OCA2: variants seen among roughly 807,000 people sequenced by gnomAD.
OCA2 encodes the protein OCA2 melanosomal transmembrane protein, also known as P protein.
Under a neutral mutation model 100.2 loss-of-function variants are expected in OCA2, and 77 were observed. The ratio of observed to expected loss-of-function variants is 0.77; its 90% CI spans 0.64 to 0.93. The LOEUF (loss-of-function observed/expected upper bound fraction) is 0.93, where lower values mean the gene tolerates loss of function less well. Ranked by LOEUF, OCA2 falls within the 40% of genes least tolerant of loss-of-function variation. The probability of loss-of-function intolerance (pLI) is 0.00; values close to 1 mark genes in which losing one functional copy is unlikely to be tolerated. For synonymous variants in OCA2, 432 were observed against 439.2 expected (o/e 0.98, Z 0.21); for missense variants, 1,062 against 1,089.1 (o/e 0.98, Z 0.35).
chr15:28,086,168 A>G (rs1041326128), intron 1 of OCA2, among the ~76,000 whole-genome samples: 3 of 152,220 alleles, frequency 2.0e-5, no homozygotes, highest in African/African-American at 7.2e-5. Flanking sequence ...GCTGGACTTC[A>G]TCCCTGCCCT....
chr15:28,031,291 A>G (rs1338559711), intron 3 of OCA2, among the ~76,000 whole-genome samples: 3 of 152,202 alleles, frequency 2.0e-5, no homozygotes, highest in Non-Finnish European at 4.4e-5. Context: ...GCTTGAATAA[A>G]TAATTTTAAA....
At chr15:27,805,180 G>A (rs956300228) in intron 23 of OCA2, among the ~76,000 whole-genome samples, 4 of 152,244 alleles carry the variant, frequency 2.6e-5, no homozygotes, top group Non-Finnish European at 4.4e-5. Flanking sequence ...AGCGCCCAGC[G>A]CAGGAGCTGC....
rs1567177329 is a variant in OCA2, at chr15:27,972,867, TA to T, written c.1504-6046del. Among the ~76,000 whole-genome samples the T allele has an allele frequency of 2.3e-3, 125 of 53,336 alleles. 4 individuals are homozygous for T. The highest frequency in any genetic ancestry group is 4.4e-3 in the African/African-American group (116 of 26,202). 35.0% of individuals were successfully genotyped at this position (53,336 alleles called of 152,430 possible). A position where few individuals can be genotyped will look rare whatever the true frequency, so the allele number is the denominator to read the frequency against. On this transcript the variant is annotated intron_variant, in intron 14 of 23. Transcript: ENST00000354638. ...TATTTTATTTTATTTTATTTTATTTTATTTTATTTTATTTTTGTGACAGAGT... is the reference window on the plus strand; with the variant it reads ...TATTTTATTTTATTTTATTTTATTTTTTTTATTTTATTTTTGTGACAGAGT...
chr15:27,743,260 C>T, the OCA2 span, among the ~76,000 whole-genome samples: 14 of 152,160 alleles, frequency 9.2e-5, no homozygotes, highest in African/African-American at 2.2e-4. Flanking sequence ...CCAGTCTGCA[C>T]GGCCACAAGT....
chr15:27,739,755 G>T, the OCA2 span, among the ~76,000 whole-genome samples: 14 of 152,124 alleles, frequency 9.2e-5, no homozygotes, highest in East Asian at 2.7e-3. Flanking sequence ...CAATATTAAT[G>T]ATTTCTAAGC....
intron 22 of OCA2, among the ~76,000 whole-genome samples, chr15:27,847,923 AG>A (rs1436347455): frequency 6.6e-6 from 1 of 152,214 alleles, no homozygotes; most frequent in Non-Finnish European, 1.5e-5. Flanking sequence ...TGGCGCCGTC[AG>A]GACCTGCTCC....
At chr15:28,096,574 G>C (rs546991959) in intron 1 of OCA2, among the ~76,000 whole-genome samples, 28 of 152,356 alleles carry the variant, frequency 1.8e-4, no homozygotes, top group Middle Eastern at 3.4e-3. Flanking sequence ...GTCCCGCTGA[G>C]GGCAGTGTAG....
chr15:28,042,100 AT>A (rs1327342387), intron 2 of OCA2, among the ~76,000 whole-genome samples: 2 of 152,202 alleles, frequency 1.3e-5, no homozygotes, highest in East Asian at 3.9e-4. Context: ...TACATATATT[AT>A]TTTGTGTAGA....
chr15:28,032,058 A>T lies in OCA2; in HGVS notation c.326+7T>A, dbSNP rs765447540. 1.9e-6 allele frequency: 3 copies of T among 1,599,760 alleles called. No individual in the cohort carries two copies. Among genetic ancestry groups the T allele is most frequent in the Admixed American group, 3.3e-5 (2 of 60,002 alleles). ...CTTACTTTCATATGAGGGGGAAAATATCTCACCCTTTCTCCTGTAAGGAAT... is the reference window on the plus strand; with the variant it reads ...CTTACTTTCATATGAGGGGGAAAATTTCTCACCCTTTCTCCTGTAAGGAAT... On this transcript the variant is annotated splice_region_variant and intron_variant, in intron 3 of 23. Transcript: ENST00000354638.
intron 21 of OCA2, among the ~76,000 whole-genome samples, chr15:27,870,810 AAG>A (rs149989219): frequency 1.4e-3 from 127 of 88,246 alleles, no homozygotes; most frequent in African/African-American, 3.0e-3. Flanking sequence ...GAAAGAAAGA[AAG>A]AGAGAGAGAA....
chr15:27,724,350 T>C, the OCA2 span, among the ~76,000 whole-genome samples: 3 of 152,140 alleles, frequency 2.0e-5, no homozygotes, highest in African/African-American at 4.8e-5. Flanking sequence ...GGTGAGGCAC[T>C]CCTGGTGGCC....
intron 1 of OCA2, among the ~76,000 whole-genome samples, chr15:28,087,548 C>T (rs1281819937): frequency 1.3e-5 from 2 of 152,146 alleles, no homozygotes; most frequent in Non-Finnish European, 1.5e-5. Context: ...GAGTTTGAGA[C>T]CAGCCTGGGC....
chr15:27,808,335 G>T (rs2033941692), intron 23 of OCA2, among the ~76,000 whole-genome samples: 1 of 152,236 alleles, frequency 6.6e-6, no homozygotes, highest in Non-Finnish European at 1.5e-5. Flanking sequence ...CCATGGGGCA[G>T]ATGTCGCAAC....
the OCA2 span, among the ~76,000 whole-genome samples, chr15:27,729,408 T>C: frequency 1.2e-3 from 176 of 152,166 alleles, 2 homozygotes; most frequent in African/African-American, 4.0e-3. Flanking sequence ...TGCATATTTT[T>C]AGATGTTTAT....
Position 28,043,180 on chromosome 15 carries a change from A to G in OCA2, c.228-11017T>C, listed in dbSNP as rs1595871820. Among the ~76,000 whole-genome samples, 1 of 152,202 alleles carries G rather than the reference A, an allele frequency of 6.6e-6. No homozygotes were observed. The highest frequency in any genetic ancestry group is 1.9e-4 in the East Asian group (1 of 5,204). On this transcript the variant is annotated intron_variant, in intron 2 of 23. Transcript: ENST00000354638. This position sits in a 1 kb window ranked among gnomAD's most constrained non-coding sequence, Gnocchi z 4.4. ...AGCAATTTTAGGATTACTTGGATGT[A>G]AGAACATCACCTGTATTTAAGGTCT...
intron 23 of OCA2, among the ~76,000 whole-genome samples, chr15:27,770,874 CT>C (rs1471295083): frequency 4.3e-4 from 41 of 95,102 alleles, no homozygotes; most frequent in African/African-American, 9.0e-4. Flanking sequence ...TCCTTCCCTC[CT>C]TCCTTTGCTC....
At chr15:27,926,385 C>T (rs2039044259) in intron 18 of OCA2, 131 bp from the exon 19 acceptor site, 2 of 955,994 alleles carry the variant, frequency 2.1e-6, no homozygotes, top group Non-Finnish European at 3.3e-6. Flanking sequence ...ATGTAAAATG[C>T]ATATAATTTC....
At chr15:28,006,754 G>T (rs2042102571) in intron 9 of OCA2, among the ~76,000 whole-genome samples, 1 of 152,188 alleles carries the variant, frequency 6.6e-6, no homozygotes, top group Non-Finnish European at 1.5e-5. Flanking sequence ...CAGACAAAAA[G>T]AAATGAATGA....
At chr15:27,923,973 C>A (rs2038957090) in intron 19 of OCA2, among the ~76,000 whole-genome samples, 1 of 152,014 alleles carries the variant, frequency 6.6e-6, no homozygotes, top group African/African-American at 2.4e-5. Flanking sequence ...GATTGTCTTC[C>A]AGGGTTTTAT....
Sources: allele counts gnomAD v4.1 joint callset (sites outside exome capture counted in the v4.1 genomes callset), GRCh38; gene constraint gnomAD v4.1.1; non-coding constraint Gnocchi (gnomAD v3.1); transcripts MANE v1.5; gene names NCBI Gene and HGNC (gene_info 2026-07-23, HGNC 2026-07-21).